The following VPS37C variants were observed in gnomAD, a reference collection of about 807,000 sequenced individuals.
VPS37C encodes VPS37C subunit of ESCRT-I.
VPS37C carries 9 observed loss-of-function variants against 16.1 expected under a neutral mutation model. That is an observed-to-expected ratio of 0.56 (90% CI 0.34 to 0.97). The LOEUF is 0.97. Ranked by LOEUF, VPS37C falls within the 50% of genes least tolerant of loss-of-function variation. VPS37C has a pLI of 0.02. For synonymous variants in VPS37C, 207 were observed against 206.4 expected (o/e 1.00, Z -0.02); for missense variants, 479 against 472.7 (o/e 1.01, Z -0.12).
intron 1 of VPS37C, among the ~76,000 whole-genome samples, chr11:61,139,474 TAGC>T (rs1861435528): frequency 6.6e-6 from 1 of 151,266 alleles, no homozygotes; most frequent in Non-Finnish European, 1.5e-5. Context: ...CCATTTGGCC[TAGC>T]AGGCAATCAG....
rs542855385 is a variant in VPS37C, at chr11:61,135,269, C to T, written c.94-1062G>A. Among the ~76,000 whole-genome samples, 16 of 152,332 alleles carry T rather than the reference C, an allele frequency of 1.1e-4. No homozygotes were observed. In the Middle Eastern group the frequency reaches 0.01, roughly 97 times the overall value. ...GGGAAAGGCTACCCCTTCTGCTGTCCCAGCTACAGGGGCCGAGGTCCTGCA... is the reference window on the plus strand; with the variant it reads ...GGGAAAGGCTACCCCTTCTGCTGTCTCAGCTACAGGGGCCGAGGTCCTGCA... On this transcript the variant is annotated intron_variant, in intron 2 of 4. Coordinates refer to ENST00000301765, the MANE Select transcript of VPS37C (RefSeq NM_017966.5).
intron 1 of VPS37C, among the ~76,000 whole-genome samples, chr11:61,145,867 G>A (rs569747940): frequency 2.0e-5 from 3 of 152,266 alleles, no homozygotes; most frequent in African/African-American, 7.2e-5. Context: ...CAACTACCTG[G>A]GCCCCTCAGT....
intron 1 of VPS37C, among the ~76,000 whole-genome samples, chr11:61,145,696 C>A (rs1853193775): frequency 6.6e-6 from 1 of 152,244 alleles, no homozygotes; most frequent in Non-Finnish European, 1.5e-5. Flanking sequence ...CTGGTGGTGT[C>A]TGACTCCATC....
chr11:61,146,609 C>T (rs951262857), intron 1 of VPS37C, among the ~76,000 whole-genome samples: 1 of 152,136 alleles, frequency 6.6e-6, no homozygotes, highest in Non-Finnish European at 1.5e-5. Context: ...GCGGGGCAGG[C>T]GGCTGCACAG....
intron 1 of VPS37C, among the ~76,000 whole-genome samples, chr11:61,147,473 C>G (rs1590791004): frequency 6.6e-6 from 1 of 152,094 alleles, no homozygotes; most frequent in Non-Finnish European, 1.5e-5. Flanking sequence ...AGTGGATTTA[C>G]GCCAAAGGCA....
intron 1 of VPS37C, among the ~76,000 whole-genome samples, chr11:61,139,500 T>C (rs563303984): frequency 1.3e-5 from 2 of 151,606 alleles, no homozygotes; most frequent in South Asian, 2.1e-4. Flanking sequence ...AGGAAAGAAA[T>C]TGACCGACCC....
chr11:61,147,966 T>A (rs678305), intron 1 of VPS37C, among the ~76,000 whole-genome samples: 1 of 152,080 alleles, frequency 6.6e-6, no homozygotes, highest in African/African-American at 2.4e-5. Flanking sequence ...CCTTTAACCT[T>A]GGTTTCCTTA....
intron 1 of VPS37C, among the ~76,000 whole-genome samples, chr11:61,140,909 G>A (rs1460914412): frequency 6.6e-6 from 1 of 152,024 alleles, no homozygotes; most frequent in Non-Finnish European, 1.5e-5. Context: ...AAAACCCTTG[G>A]TCTAAAAGCC....
At chr11:61,133,936 G>GA in intron 3 of VPS37C, 100 bp downstream of exon 3, 1 of 1,415,798 alleles carries the variant, frequency 7.1e-7, no homozygotes, top group South Asian at 1.5e-5. Context: ...TGGCTGTTGT[G>GA]AAAAAATATA....
rs553161548 is a variant in VPS37C at position 61,154,603 on chromosome 11, A to G, written c.-7+6788T>C. On this transcript the variant is annotated intron_variant, in intron 1 of 4. Transcript: ENST00000301765. Reference sequence around the variant, plus strand: ...ATGGAGCAACCTCTAGCACCCTTACATACATGTAACTGGAGTCCCCGAAAG... The same window carrying G: ...ATGGAGCAACCTCTAGCACCCTTACGTACATGTAACTGGAGTCCCCGAAAG... Among the ~76,000 whole-genome samples the G allele has an allele frequency of 3.2e-4, 48 of 152,298 alleles. No individual in the cohort carries two copies. The South Asian group carries it at 8.3e-3, about 26-fold the overall frequency.
intron 1 of VPS37C, among the ~76,000 whole-genome samples, chr11:61,142,771 CACTGGTCTAGAGGTTA>C (rs1861493107): frequency 7.9e-6 from 1 of 127,210 alleles, no homozygotes; most frequent in Admixed American, 9.7e-5. Flanking sequence ...CTTTGAGAGC[CACTGGTCTAGAGGTTA>C]AGAGATGAGA....
At chr11:61,157,422 TTC>T (rs1853394765) in intron 1 of VPS37C, among the ~76,000 whole-genome samples, 4 of 59,978 alleles carry the variant, frequency 6.7e-5, no homozygotes, top group Admixed American at 1.6e-4. Context: ...GTTGTTTTTT[TTC>T]AATAGCCATC....
At chr11:61,133,709 G>A (rs1267681816) in intron 3 of VPS37C, among the ~76,000 whole-genome samples, 1 of 152,124 alleles carries the variant, frequency 6.6e-6, no homozygotes, top group Admixed American at 6.5e-5. Context: ...ACAGGTCCTG[G>A]GACACAGAGA....
intron 1 of VPS37C, among the ~76,000 whole-genome samples, chr11:61,158,664 G>A (rs775515113): frequency 3.9e-5 from 6 of 152,140 alleles, no homozygotes; most frequent in Non-Finnish European, 7.3e-5. Flanking sequence ...TCAAAGGTAG[G>A]GCCTACCTGC....
At position 61,130,738 on chromosome 11, in the gene VPS37C, G is replaced by T; in HGVS notation, c.*1082C>A. 4.8e-6 allele frequency: 2 copies of T among 419,898 alleles called. No homozygotes were observed. Among genetic ancestry groups the T allele is most frequent in the Non-Finnish European group, 9.3e-6 (2 of 215,274 alleles). The allele number at this position is 419,898 out of a possible 1,614,324, so 26.0% of individuals were successfully genotyped here. A position where few individuals can be genotyped will look rare whatever the true frequency, so the allele number is the denominator to read the frequency against. Reference sequence around the variant, plus strand: ...ACATAATCCCCACCCTTTACATTCTGAAGACAGGGAGGTGTGAAAAAATTG... The same window carrying T: ...ACATAATCCCCACCCTTTACATTCTTAAGACAGGGAGGTGTGAAAAAATTG... On this transcript the variant is annotated 3_prime_UTR_variant, in exon 5 of 5. Coordinates refer to ENST00000301765, the MANE Select transcript of VPS37C (RefSeq NM_017966.5).
Position 61,131,620 on chromosome 11 carries a change from G to C in VPS37C, c.*200C>G. 1.4e-6 allele frequency: 1 copy of C among 705,336 alleles called. No homozygotes were observed. The highest frequency in any genetic ancestry group is 4.3e-5 in the Admixed American group (1 of 23,038). The allele number at this position is 705,336 out of a possible 1,614,324, so 43.7% of individuals were successfully genotyped here. A position where few individuals can be genotyped will look rare whatever the true frequency, so the allele number is the denominator to read the frequency against. On this transcript the variant is annotated 3_prime_UTR_variant, in exon 5 of 5. Transcript: ENST00000301765. ...GCACTGAAAGGAGGGGCTTCCAGGA[G>C]GACCTCTGGCCAGAAGGCCAGCAAG...
chr11:61,151,199 T>C (rs764777763), intron 1 of VPS37C, among the ~76,000 whole-genome samples: 1 of 152,182 alleles, frequency 6.6e-6, no homozygotes, highest in Non-Finnish European at 1.5e-5. Flanking sequence ...GGGGACCAAC[T>C]TCATCAATGG....
intron 1 of VPS37C, among the ~76,000 whole-genome samples, chr11:61,160,162 T>G (rs1853448037): frequency 6.6e-6 from 1 of 152,112 alleles, no homozygotes. Context: ...AATGAAAATG[T>G]TCTACTTAAT....
rs1590782381 is a variant in VPS37C at position 61,132,372 on chromosome 11, T to G, written c.516A>C (p.Pro172=). The change falls in exon 5 of 5, where the codon CCA becomes CCC. Residue 172 remains proline (P), a synonymous_variant. Transcript: ENST00000301765. ...GGCGCACCGGGGGTGGTGGACGGGG[T>G]GGAGGGGCATCGCCGGCCAGCTCCT... is the stretch of plus-strand genomic sequence containing the variant. ...ASQELAGDAP[P]PRPPPPVRPV... 1 of 1,598,298 alleles carries G rather than the reference T, an allele frequency of 6.3e-7. No individual in the cohort carries two copies. Among genetic ancestry groups the G allele is most frequent in the Non-Finnish European group, 8.5e-7 (1 of 1,172,660 alleles).
Sources: allele counts gnomAD v4.1 joint callset (sites outside exome capture counted in the v4.1 genomes callset), GRCh38; gene constraint gnomAD v4.1.1; transcripts MANE v1.5; gene names NCBI Gene and HGNC (gene_info 2026-07-23, HGNC 2026-07-21).